KCNQ1: variants seen among roughly 807,000 people sequenced by gnomAD.
The protein encoded by KCNQ1 is potassium voltage-gated channel subfamily KQT member 1.
In KCNQ1, 49 loss-of-function variants were observed where a neutral mutation model predicts 72.4. The ratio of observed to expected loss-of-function variants is 0.68; its 90% CI spans 0.54 to 0.86. KCNQ1 has a LOEUF of 0.86. Ranked by LOEUF, KCNQ1 falls within the 40% of genes least tolerant of loss-of-function variation. KCNQ1 has a pLI of 0.00. For missense variants in KCNQ1, 790 were observed against 945.1 expected (o/e 0.84, Z 2.15); for synonymous variants, 450 against 412.6 (o/e 1.09, Z -1.10).
intron 7 of KCNQ1, among the ~76,000 whole-genome samples, chr11:2,584,869 C>T (rs1046096845): frequency 1.3e-5 from 2 of 152,178 alleles, no homozygotes; most frequent in Non-Finnish European, 2.9e-5. Flanking sequence ...GGACTGCCTT[C>T]TCACTTGCGA....
At chr11:2,472,717 T>C (rs1000669341) in intron 1 of KCNQ1, among the ~76,000 whole-genome samples, 5 of 152,056 alleles carry the variant, frequency 3.3e-5, no homozygotes, top group Non-Finnish European at 7.4e-5. Context: ...ATGACCTCAG[T>C]CAGCCCCTGC....
At chr11:2,555,048 G>A (rs1042317941) in intron 2 of KCNQ1, among the ~76,000 whole-genome samples, 5 of 152,120 alleles carry the variant, frequency 3.3e-5, no homozygotes, top group Non-Finnish European at 5.9e-5. Context: ...TTTAATAACC[G>A]CAGGCCTTCC....
At chr11:2,572,204 G>T (rs1458297873) in intron 5 of KCNQ1, 95 bp downstream of exon 5, 2 of 911,998 alleles carry the variant, frequency 2.2e-6, no homozygotes, top group East Asian at 5.3e-5. Flanking sequence ...ATGCGCTGAG[G>T]CCCCGGGGGC....
At chr11:2,837,036 G>C (rs574335200) in intron 15 of KCNQ1, among the ~76,000 whole-genome samples, 1 of 152,204 alleles carries the variant, frequency 6.6e-6, no homozygotes, top group Admixed American at 6.5e-5. Context: ...CAGAGAGCCC[G>C]TGGGCTGGGG....
rs1168995329 is a variant in KCNQ1, at chr11:2,682,289, T to A, written c.1514+20208T>A. 2 of 398,434 alleles carry A rather than the reference T, an allele frequency of 5.0e-6. No homozygotes were observed. Among genetic ancestry groups the A allele is most frequent in the Non-Finnish European group, 8.8e-6 (2 of 226,072 alleles). 24.7% of individuals were successfully genotyped at this position (398,434 alleles called of 1,614,324 possible). A position where few individuals can be genotyped will look rare whatever the true frequency, so the allele number is the denominator to read the frequency against. On this transcript the variant is annotated intron_variant, in intron 11 of 15. Transcript: ENST00000155840. This position sits in a 1 kb window ranked among gnomAD's most constrained non-coding sequence, Gnocchi z 5.8. ...AAGCTTAAGACTGGGCTGTAAAAAA[T>A]CACATACCTCCCCTCCCATTCTTAA...
chr11:2,569,303 A>G (rs567436014), intron 2 of KCNQ1, among the ~76,000 whole-genome samples: 2 of 152,356 alleles, frequency 1.3e-5, no homozygotes, highest in African/African-American at 4.8e-5. Context: ...AAGGAAAGCA[A>G]CTAAGCTCCC....
At chr11:2,811,948 A>C (rs968038123) in intron 15 of KCNQ1, among the ~76,000 whole-genome samples, 4 of 152,188 alleles carry the variant, frequency 2.6e-5, no homozygotes, top group African/African-American at 9.6e-5. Flanking sequence ...GGGCATGCTC[A>C]GGCCCTGCCC....
intron 11 of KCNQ1, among the ~76,000 whole-genome samples, chr11:2,742,184 G>A (rs1846065010): frequency 6.6e-6 from 1 of 152,226 alleles, no homozygotes; most frequent in African/African-American, 2.4e-5. Flanking sequence ...TGCACAGAAC[G>A]ACCATCCCTG....
Position 2,473,528 on chromosome 11 carries a change from G to A in KCNQ1, c.386+28044G>A, listed in dbSNP as rs1279581150. Among the ~76,000 whole-genome samples, 5 of 152,232 alleles carry A rather than the reference G, an allele frequency of 3.3e-5. No homozygotes were observed. The highest frequency in any genetic ancestry group is 5.9e-5 in the Non-Finnish European group (4 of 68,038). Reference sequence around the variant, plus strand: ...AGGCCGTTTCCCGTCCTGGTCCGTCGTTGAGTCCCCTGCCGTGGGACAGCG... The same window carrying A: ...AGGCCGTTTCCCGTCCTGGTCCGTCATTGAGTCCCCTGCCGTGGGACAGCG... On this transcript the variant is annotated intron_variant, in intron 1 of 15. Transcript: ENST00000155840. This position sits in a 1 kb window ranked among gnomAD's most constrained non-coding sequence, Gnocchi z 6.0.
intron 15 of KCNQ1, among the ~76,000 whole-genome samples, chr11:2,822,917 C>G (rs1298545669): frequency 6.7e-6 from 1 of 148,566 alleles, no homozygotes; most frequent in Non-Finnish European, 1.5e-5. Context: ...GTCAATTATG[C>G]TGCTGAATTA....
At chr11:2,632,253 G>A in intron 10 of KCNQ1, 1 of 395,226 alleles carries the variant, frequency 2.5e-6, no homozygotes, top group Non-Finnish European at 4.5e-6. Context: ...CTACTTTGCT[G>A]AATTAATTTA....
chr11:2,445,606 A>G lies in KCNQ1; in HGVS notation c.386+122A>G, dbSNP rs1846026296. ...CGACCCCGGAGCAGAGGAGGGAAGG[A>G]AGTGGGGAAACGCAGAAACACAAAC... is the stretch of plus-strand genomic sequence containing the variant. On this transcript the variant is annotated intron_variant, in intron 1 of 15. Transcript: ENST00000155840. 12 of 1,171,254 alleles carry G rather than the reference A, an allele frequency of 1.0e-5. 1 individual carries two copies. The South Asian group carries it at 1.0e-4, about 10-fold the overall frequency. 72.6% of individuals were successfully genotyped at this position (1,171,254 alleles called of 1,614,324 possible). A position where few individuals can be genotyped will look rare whatever the true frequency, so the allele number is the denominator to read the frequency against.
chr11:2,825,512 C>T (rs963264302), intron 15 of KCNQ1, among the ~76,000 whole-genome samples: 2 of 152,216 alleles, frequency 1.3e-5, no homozygotes, highest in Non-Finnish European at 2.9e-5. Context: ...CCAGGGGCCC[C>T]GCCCATGTGC....
In KCNQ1 at chr11:2,626,938, G is replaced by A. The variant is rs1258235316; in HGVS notation, c.1394-35023G>A. 1 of 398,382 alleles carries A rather than the reference G, an allele frequency of 2.5e-6. No individual in the cohort carries two copies. Among genetic ancestry groups the A allele is most frequent in the African/African-American group, 2.1e-5 (1 of 48,592 alleles). 24.7% of individuals were successfully genotyped at this position (398,382 alleles called of 1,614,324 possible). On this transcript the variant is annotated intron_variant, in intron 10 of 15. Transcript: ENST00000155840. This position sits in a 1 kb window ranked among gnomAD's most constrained non-coding sequence, Gnocchi z 4.0. The stretch of plus-strand genomic sequence containing the variant: ...GAGATTCCATGTGAATTTTAGGATG[G>A]GGTTTCTTCTTTCTGCAAATAACAT...
intron 10 of KCNQ1, chr11:2,618,461 T>C (rs1849106527): frequency 2.5e-6 from 1 of 398,504 alleles, no homozygotes; most frequent in Non-Finnish European, 4.4e-6. Flanking sequence ...AGAGAGACTA[T>C]CTTTCTGCAT....
In KCNQ1 at chr11:2,647,681, T is replaced by C. The variant is rs898193617; in HGVS notation, c.1394-14280T>C. ...ACTGATACAATCTCATTCCTTGTTA[T>C]TGCTCTGTTCAGATTTTTTTTCTTC... On this transcript the variant is annotated intron_variant, in intron 10 of 15. Transcript: ENST00000155840. This position sits in a 1 kb window ranked among gnomAD's most constrained non-coding sequence, Gnocchi z 4.0. The C allele has an allele frequency of 1.0e-5, 4 of 398,470 alleles. No homozygotes were observed. Among genetic ancestry groups the C allele is most frequent in the East Asian group, 7.1e-5 (2 of 28,064 alleles). 24.7% of individuals were successfully genotyped at this position (398,470 alleles called of 1,614,324 possible).
chr11:2,706,270 C>T (rs1190440755), intron 11 of KCNQ1, among the ~76,000 whole-genome samples: 1 of 152,250 alleles, frequency 6.6e-6, no homozygotes, highest in Non-Finnish European at 1.5e-5. Flanking sequence ...CCTGCCCTCT[C>T]ACTGGGATCA....
At position 2,457,281 on chromosome 11, in the gene KCNQ1, G is replaced by T. The variant is rs1235697549; in HGVS notation, c.386+11797G>T. Among the ~76,000 whole-genome samples, 4 of 152,202 alleles carry T rather than the reference G, an allele frequency of 2.6e-5. No individual in the cohort carries two copies. Among genetic ancestry groups the T allele is most frequent in the Non-Finnish European group, 5.9e-5 (4 of 68,046 alleles). ...AAGAGTTGAACTACCATTCGATCCAGCAGTCCCGTGTGCTGAGTTTATACC... is the reference window on the plus strand; with the variant it reads ...AAGAGTTGAACTACCATTCGATCCATCAGTCCCGTGTGCTGAGTTTATACC... On this transcript the variant is annotated intron_variant, in intron 1 of 15. Coordinates refer to ENST00000155840, the MANE Select transcript of KCNQ1 (RefSeq NM_000218.3). This position sits in a 1 kb window ranked among gnomAD's most constrained non-coding sequence, Gnocchi z 5.0.
In KCNQ1 at chr11:2,603,443, C is replaced by G. The variant is rs1186018319; in HGVS notation, c.1393+14589C>G. On this transcript the variant is annotated intron_variant, in intron 10 of 15. Coordinates refer to ENST00000155840, the MANE Select transcript of KCNQ1 (RefSeq NM_000218.3). The surrounding 1 kb of genome is among the most constrained non-coding windows in gnomAD (Gnocchi z 4.1). ...AAAAAGTGAAGTGTGCCTGTGTATC[C>G]CCAGAGCTGTGCAACTGCCACTCCA... is the stretch of plus-strand genomic sequence containing the variant. 6.6e-6 allele frequency among the ~76,000 whole-genome samples: 1 copy of G among 152,070 alleles called. No homozygotes were observed. Among genetic ancestry groups the G allele is most frequent in the Non-Finnish European group, 1.5e-5 (1 of 68,012 alleles).
Sources: gnomAD v4.1 joint callset for allele counts (sites outside exome capture counted in the v4.1 genomes callset) on GRCh38, gnomAD v4.1.1 for gene constraint, Gnocchi (gnomAD v3.1) non-coding constraint, MANE v1.5 for transcripts, NCBI Gene and HGNC (gene_info 2026-07-23, HGNC 2026-07-21) for gene names.